XPO5: variants seen among roughly 807,000 people sequenced by gnomAD.
XPO5 encodes exportin-5.
XPO5 carries 46 observed loss-of-function variants against 160.6 expected under a neutral mutation model. That is an observed-to-expected ratio of 0.29 (90% CI 0.23 to 0.37). The LOEUF is 0.37. Among genes scored for constraint, XPO5 ranks in the 10% least tolerant of loss-of-function variants. The probability of loss-of-function intolerance (pLI) is 1.00; values close to 1 mark genes in which losing one functional copy is unlikely to be tolerated. For missense variants in XPO5, 1,090 were observed against 1,463.9 expected, an observed-to-expected ratio of 0.74 and a Z score of 4.17; for synonymous variants, 537 against 519.3, an observed-to-expected ratio of 1.03 and a Z score of -0.46.
chr6:43,565,718 T>G lies in XPO5; in HGVS notation c.853A>C (p.Lys285Gln). ...TCTCCAAATAAGACCATCAAGGGCTTCCGGTCTTCCAACTTGCCCTAGACC... is the reference window on the plus strand; with the variant it reads ...TCTCCAAATAAGACCATCAAGGGCTGCCGGTCTTCCAACTTGCCCTAGACC... ...VSRKGKLEDRKPLMVLFGDVA... is the reference protein window; with the variant it reads ...VSRKGKLEDRQPLMVLFGDVA... Residue 285 changes from lysine (K) to glutamine (Q), a missense_variant, in exon 8 of 32, where the codon AAG becomes CAG. Lys to Gln is a moderately conservative substitution (Grantham distance 53, BLOSUM62 1). Coordinates refer to ENST00000265351, the MANE Select transcript of XPO5 (RefSeq NM_020750.3). 6.2e-7 allele frequency: 1 copy of G among 1,609,132 alleles called. No individual in the cohort carries two copies. Among genetic ancestry groups the G allele is most frequent in the Non-Finnish European group, 8.5e-7 (1 of 1,177,778 alleles).
intron 20 of XPO5, among the ~76,000 whole-genome samples, chr6:43,537,803 A>G (rs531616170): frequency 1.3e-5 from 2 of 152,316 alleles, no homozygotes; most frequent in Admixed American, 6.5e-5. Flanking sequence ...ATGGTAGCTC[A>G]CGGCTGTAAT....
At chr6:43,535,444 GC>G (rs1794256025) in intron 20 of XPO5, among the ~76,000 whole-genome samples, 1 of 151,994 alleles carries the variant, frequency 6.6e-6, no homozygotes, top group Non-Finnish European at 1.5e-5. Flanking sequence ...ATAAAAATTA[GC>G]CAGGTGTGGT....
At chr6:43,543,751 A>C (rs946700313) in intron 20 of XPO5, among the ~76,000 whole-genome samples, 4 of 151,650 alleles carry the variant, frequency 2.6e-5, no homozygotes, top group African/African-American at 7.3e-5. Flanking sequence ...ATCTTGGCTC[A>C]CTGCAACCTC....
chr6:43,559,716 A>G (rs1303984537), intron 11 of XPO5, among the ~76,000 whole-genome samples: 1 of 152,236 alleles, frequency 6.6e-6, no homozygotes, highest in East Asian at 1.9e-4. Flanking sequence ...GAGCAGTTAT[A>G]ATAACCAGTA....
chr6:43,528,385 T>C (rs892829250), intron 24 of XPO5, among the ~76,000 whole-genome samples, 180 bp from the exon 25 acceptor site: 3 of 152,110 alleles, frequency 2.0e-5, no homozygotes, highest in African/African-American at 4.8e-5. Context: ...CTGTAACCTA[T>C]CCCACATCCC....
intron 14 of XPO5, 49 bp downstream of exon 14, chr6:43,553,324 G>A (rs773553541): frequency 1.4e-5 from 22 of 1,568,482 alleles, no homozygotes; most frequent in Non-Finnish European, 1.9e-5. Context: ...GAAAAGAAAA[G>A]AAAAAGGTCA....
intron 16 of XPO5, 127 bp from the exon 17 acceptor site, chr6:43,549,705 T>C: frequency 7.2e-6 from 9 of 1,254,082 alleles, no homozygotes; most frequent in South Asian, 1.5e-5. Flanking sequence ...AAGAGTATAA[T>C]GGAGTAACAT....
intron 23 of XPO5, among the ~76,000 whole-genome samples, chr6:43,529,859 C>T (rs1299588851): frequency 6.9e-6 from 1 of 144,468 alleles, no homozygotes; most frequent in Non-Finnish European, 1.5e-5. Flanking sequence ...CTGCACTGAG[C>T]TTTGATGGCA....
In XPO5 at chr6:43,522,718, T is replaced by G. The variant is rs573240601; in HGVS notation, c.*1150A>C. On this transcript the variant is annotated 3_prime_UTR_variant, in exon 32 of 32. Coordinates refer to ENST00000265351, the MANE Select transcript of XPO5 (RefSeq NM_020750.3). ...TTCGGCTCTCGGGGAAACCCTCTTG[T>G]CAGTGGACTGGATGGACAACAGGTC... is the stretch of plus-strand genomic sequence containing the variant. 5 of 502,332 alleles carry G rather than the reference T, an allele frequency of 1.0e-5. No homozygotes were observed. The East Asian group carries it at 2.8e-4, about 29-fold the overall frequency. The allele number at this position is 502,332 out of a possible 1,614,324, so 31.1% of individuals were successfully genotyped here.
intron 15 of XPO5, among the ~76,000 whole-genome samples, chr6:43,550,162 T>C (rs911257765): frequency 6.6e-6 from 1 of 152,184 alleles, no homozygotes; most frequent in Non-Finnish European, 1.5e-5. Context: ...CATTTTACAA[T>C]AGGATCCCAG....
intron 11 of XPO5, among the ~76,000 whole-genome samples, chr6:43,559,579 C>T (rs539507136): frequency 6.6e-6 from 1 of 152,280 alleles, no homozygotes; most frequent in East Asian, 1.9e-4. Context: ...CTGACTCAAC[C>T]CTCCTATGTA....
Position 43,558,701 on chromosome 6 carries a change from C to T in XPO5, c.1222-110G>A, listed in dbSNP as rs189675372. ...AATTTATTTAAGAGTTAAGCGTTTG[C>T]ATGAGATATTGTATGGTAAATATCC... On this transcript the variant is annotated intron_variant, in intron 11 of 31. Transcript: ENST00000265351. 136 of 780,152 alleles carry T rather than the reference C, an allele frequency of 1.7e-4. No individual in the cohort carries two copies. In the East Asian group the frequency reaches 3.2e-3, roughly 18 times the overall value. 48.3% of individuals were successfully genotyped at this position (780,152 alleles called of 1,614,324 possible). A position where few individuals can be genotyped will look rare whatever the true frequency, so the allele number is the denominator to read the frequency against.
At chr6:43,540,797 G>A (rs1326810929) in intron 20 of XPO5, among the ~76,000 whole-genome samples, 1 of 152,076 alleles carries the variant, frequency 6.6e-6, no homozygotes, top group East Asian at 1.9e-4. Flanking sequence ...TTAAGCTTTT[G>A]AATTTACTGA....
intron 13 of XPO5, among the ~76,000 whole-genome samples, chr6:43,554,736 T>C (rs1014285552): frequency 2.6e-5 from 4 of 152,152 alleles, no homozygotes; most frequent in African/African-American, 9.7e-5. Flanking sequence ...GATTTACCAA[T>C]TGCTTTTCTT....
In XPO5 at chr6:43,528,154, C is replaced by T; in HGVS notation, c.2822+5G>A. 2 of 1,590,256 alleles carry T rather than the reference C, an allele frequency of 1.3e-6. No homozygotes were observed. Among genetic ancestry groups the T allele is most frequent in the Non-Finnish European group, 1.7e-6 (2 of 1,167,800 alleles). On this transcript the variant is annotated splice_donor_5th_base_variant and intron_variant, in intron 25 of 31. Transcript: ENST00000265351. ...CACCAAGAAGAGTGGGTAGGTATCCCTTACCACAGCAGGCTCCTTTGGTTG... is the reference window on the plus strand; with the variant it reads ...CACCAAGAAGAGTGGGTAGGTATCCTTTACCACAGCAGGCTCCTTTGGTTG...
chr6:43,566,599 A>C, intron 7 of XPO5: 1 of 411,552 alleles, frequency 2.4e-6, no homozygotes, highest in South Asian at 1.7e-5. Context: ...ACTTGAGCTC[A>C]GGAGTTCGAG....
At chr6:43,538,352 T>C (rs914044244) in intron 20 of XPO5, among the ~76,000 whole-genome samples, 32 of 151,844 alleles carry the variant, frequency 2.1e-4, no homozygotes, top group African/African-American at 7.3e-4. Flanking sequence ...GGTTTTGTCA[T>C]GTTGGCCAGG....
Position 43,548,296 on chromosome 6 carries a change from T to C in XPO5, c.2025A>G (p.Pro675=), listed in dbSNP as rs1365558514. 1 of 1,612,842 alleles carries C rather than the reference T, an allele frequency of 6.2e-7. No individual in the cohort carries two copies. Among genetic ancestry groups the C allele is most frequent in the Admixed American group, 1.7e-5 (1 of 59,944 alleles). Residue 675 remains proline (P), a synonymous_variant, in exon 18 of 32, where the codon CCA becomes CCG. Transcript: ENST00000265351. Reference sequence around the variant, plus strand: ...CTTGAGAAAGCCAGATGCTGGCCACTGGTGCCATCAGCTCCTCTAGGAACA... The same window carrying C: ...CTTGAGAAAGCCAGATGCTGGCCACCGGTGCCATCAGCTCCTCTAGGAACA... ...QKVFLEELMA[P]VASIWLSQDM... is the part of the protein sequence containing the mutation.
intron 7 of XPO5, chr6:43,566,607 G>C (rs913791536): frequency 2.4e-6 from 1 of 414,980 alleles, no homozygotes; most frequent in East Asian, 7.5e-5. Flanking sequence ...TCAGGAGTTC[G>C]AGAAGAGCCT....
Sources: allele counts gnomAD v4.1 joint callset (sites outside exome capture counted in the v4.1 genomes callset), GRCh38; gene constraint gnomAD v4.1.1; transcripts MANE v1.5; gene names NCBI Gene and HGNC (gene_info 2026-07-23, HGNC 2026-07-21).